LIN9: variants seen among roughly 807,000 people sequenced by gnomAD.
LIN9 encodes lin-9 DREAM MuvB core complex component, also known as protein lin-9 homolog.
LIN9 carries 18 observed loss-of-function variants against 78.0 expected under a neutral mutation model. The observed-to-expected ratio is 0.23, with a 90% CI of 0.16 to 0.34. The LOEUF (loss-of-function observed/expected upper bound fraction) is 0.34, where lower values mean the gene tolerates loss of function less well. Ranked by LOEUF, LIN9 falls within the 10% of genes least tolerant of loss-of-function variation. LIN9 has a pLI of 1.00. For synonymous variants in LIN9, 192 were observed against 215.2 expected (o/e 0.89, Z 0.94); for missense variants, 451 against 644.1 (o/e 0.70, Z 3.25).
At chr1:226,280,377 A>G (rs760997843) in intron 6 of LIN9, among the ~76,000 whole-genome samples, 8 of 152,192 alleles carry the variant, frequency 5.3e-5, no homozygotes, top group East Asian at 1.9e-4. Flanking sequence ...ATTTTTTTGT[A>G]TGATTTCTGA....
chr1:226,275,691 CAGAA>C (rs1660604838), intron 7 of LIN9, among the ~76,000 whole-genome samples: 2 of 43,446 alleles, frequency 4.6e-5, no homozygotes, highest in African/African-American at 9.7e-5. Flanking sequence ...GACTCCGTCT[CAGAA>C]AAAAAAAAAA....
At chr1:226,298,651 A>G (rs1268688169) in intron 2 of LIN9, among the ~76,000 whole-genome samples, 1 of 152,200 alleles carries the variant, frequency 6.6e-6, no homozygotes, top group Non-Finnish European at 1.5e-5. Flanking sequence ...ATTTGAGGCC[A>G]TGAGTTCGAG....
At chr1:226,241,718 T>C (rs992296420) in intron 11 of LIN9, among the ~76,000 whole-genome samples, 3 of 151,674 alleles carry the variant, frequency 2.0e-5, no homozygotes, top group African/African-American at 7.3e-5. Flanking sequence ...ATTAGCTGGG[T>C]GTGGTGGCAG....
At chr1:226,258,314 A>G (rs1487515414) in intron 10 of LIN9, among the ~76,000 whole-genome samples, 1 of 151,652 alleles carries the variant, frequency 6.6e-6, no homozygotes, top group Non-Finnish European at 1.5e-5. Context: ...CAGCCTGGCC[A>G]ACATGGTGAA....
intron 10 of LIN9, among the ~76,000 whole-genome samples, chr1:226,260,164 T>A (rs908541441): frequency 3.9e-5 from 6 of 152,206 alleles, no homozygotes; most frequent in African/African-American, 7.2e-5. Context: ...TGAATAGGCT[T>A]ATATCTACTA....
At chr1:226,282,190 T>C (rs985864352) in intron 6 of LIN9, among the ~76,000 whole-genome samples, 4 of 152,184 alleles carry the variant, frequency 2.6e-5, no homozygotes, top group Admixed American at 6.5e-5. Flanking sequence ...TTAAATGGTT[T>C]CAGGGTTTTC....
chr1:226,308,999 GCAGT>G, intron 1 of LIN9, 106 bp downstream of exon 1: 2 of 1,106,798 alleles, frequency 1.8e-6, no homozygotes, highest in East Asian at 6.4e-5. Context: ...AGTGGGGCTG[GCAGT>G]CAGCCCACCT....
At chr1:226,293,287 T>C (rs377521495) in intron 4 of LIN9, among the ~76,000 whole-genome samples, 153 of 152,322 alleles carry the variant, frequency 1.0e-3, no homozygotes, top group African/African-American at 3.7e-3. Flanking sequence ...CAGAATTCTC[T>C]GTATTGCTAA....
chr1:226,295,618 T>C (rs558201736), intron 4 of LIN9, among the ~76,000 whole-genome samples: 3 of 152,278 alleles, frequency 2.0e-5, no homozygotes, highest in East Asian at 3.9e-4. Context: ...ACTATCTCCA[T>C]GCTTAAAAGT....
chr1:226,276,657 A>T (rs1660679331), intron 7 of LIN9, among the ~76,000 whole-genome samples: 1 of 152,134 alleles, frequency 6.6e-6, no homozygotes, highest in African/African-American at 2.4e-5. Context: ...CCCTCCAAAA[A>T]CTATTCTCGA....
intron 12 of LIN9, among the ~76,000 whole-genome samples, chr1:226,238,546 G>A (rs943238332): frequency 6.6e-6 from 1 of 151,970 alleles, no homozygotes; most frequent in Non-Finnish European, 1.5e-5. Context: ...CTTGAGCCTG[G>A]GAAGTTGAGG....
intron 11 of LIN9, among the ~76,000 whole-genome samples, chr1:226,249,527 A>G (rs1457682434): frequency 6.6e-6 from 1 of 152,182 alleles, no homozygotes; most frequent in Admixed American, 6.5e-5. Context: ...AAATTCTATA[A>G]TCCTAAAAGA....
rs951588393 is a variant in LIN9, at chr1:226,283,970, G to C, written c.524+2363C>G. On this transcript the variant is annotated intron_variant, in intron 6 of 14. Coordinates refer to ENST00000681046, the MANE Select transcript of LIN9 (RefSeq NM_001366245.2). ...AAAAAAAAGAGAGAGAGAGAGAAAG[G>C]CCTTTTCCAATTCAAGATTAAGTAA... is the stretch of plus-strand genomic sequence containing the variant. Among the ~76,000 whole-genome samples the C allele has an allele frequency of 5.9e-5, 9 of 151,836 alleles. No homozygotes were observed. The East Asian group carries it at 7.7e-4, about 13-fold the overall frequency.
At chr1:226,231,154 T>C (rs1432469342), downstream of LIN9, 3 of 152,332 alleles carry the variant, frequency 2.0e-5, no homozygotes, top group Non-Finnish European at 2.9e-5. Flanking sequence ...ATATAGAAAA[T>C]AATAATTTTC....
intron 4 of LIN9, 111 bp from the exon 5 acceptor site, chr1:226,287,908 T>A: frequency 3.0e-6 from 2 of 664,004 alleles, no homozygotes; most frequent in East Asian, 3.0e-5. Flanking sequence ...CTTAAAAAGG[T>A]TCACTGATTC....
chr1:226,264,854 GAATA>G (rs1659817288), intron 10 of LIN9, among the ~76,000 whole-genome samples: 1 of 151,890 alleles, frequency 6.6e-6, no homozygotes, highest in South Asian at 2.1e-4. Flanking sequence ...GTCTCAAAAT[GAATA>G]AATAAATAAA....
At chr1:226,290,976 T>G (rs1384926056) in intron 4 of LIN9, among the ~76,000 whole-genome samples, 8 of 151,956 alleles carry the variant, frequency 5.3e-5, no homozygotes. Flanking sequence ...AGGCTGGTCT[T>G]GAACTCCTGA....
At chr1:226,304,286 T>C (rs1478161016) in intron 1 of LIN9, among the ~76,000 whole-genome samples, 2 of 152,218 alleles carry the variant, frequency 1.3e-5, no homozygotes, top group African/African-American at 2.4e-5. Context: ...ATAAGCATGA[T>C]GATTGGGTTT....
chr1:226,266,429 T>C (rs1017223746), intron 8 of LIN9, 97 bp from the exon 9 acceptor site: 2 of 918,244 alleles, frequency 2.2e-6, no homozygotes, highest in Admixed American at 3.0e-5. Flanking sequence ...TATTCACGCA[T>C]ATTCTATGAT....
Sources: gnomAD v4.1 joint callset for allele counts (sites outside exome capture counted in the v4.1 genomes callset) on GRCh38, gnomAD v4.1.1 for gene constraint, MANE v1.5 for transcripts, NCBI Gene and HGNC (gene_info 2026-07-23, HGNC 2026-07-21) for gene names.